MACROD2: variants seen among roughly 807,000 people sequenced by gnomAD.
MACROD2 encodes the protein ADP-ribose glycohydrolase MACROD2.
MACROD2 carries 36 observed loss-of-function variants against 70.4 expected under a neutral mutation model. The ratio of observed to expected loss-of-function variants is 0.51; its 90% CI spans 0.39 to 0.68. The LOEUF is 0.68. Ranked by LOEUF, MACROD2 falls within the 30% of genes least tolerant of loss-of-function variation. The pLI, the probability that MACROD2 is intolerant of heterozygous loss-of-function variation, is 0.00. For synonymous variants in MACROD2, 172 were observed against 178.8 expected (o/e 0.96, Z 0.30); for missense variants, 496 against 538.4 (o/e 0.92, Z 0.78).
intron 3 of MACROD2, among the ~76,000 whole-genome samples, chr20:14,430,971 G>A (rs1568608704): frequency 6.6e-6 from 1 of 152,002 alleles, no homozygotes. Context: ...GACCACACCA[G>A]CCCCAAACTG....
rs1464601783 is a variant in MACROD2, at chr20:15,454,537, G to T, written c.571+23102G>T. 3.3e-5 allele frequency among the ~76,000 whole-genome samples: 5 copies of T among 151,742 alleles called. No homozygotes were observed. The South Asian group carries it at 8.3e-4, about 25-fold the overall frequency. ...GGAAACTTGTTGAATCGATATGCAG[G>T]TCTTCTCTCTGTTTAGGTCTCATTT... is the stretch of plus-strand genomic sequence containing the variant. On this transcript the variant is annotated intron_variant, in intron 7 of 17. Coordinates refer to ENST00000684519, the MANE Select transcript of MACROD2 (RefSeq NM_001351661.2).
intron 15 of MACROD2, among the ~76,000 whole-genome samples, chr20:16,016,597 G>A (rs904605424): frequency 3.9e-5 from 6 of 152,072 alleles, no homozygotes; most frequent in Non-Finnish European, 7.4e-5. Flanking sequence ...GCACAGTGGC[G>A]CGATCTCGGC....
chr20:15,175,983 G>C (rs2076458275), intron 5 of MACROD2, among the ~76,000 whole-genome samples: 1 of 152,242 alleles, frequency 6.6e-6, no homozygotes, highest in Non-Finnish European at 1.5e-5. Context: ...AACAGGCTTA[G>C]AAGTGCCTGC....
intron 3 of MACROD2, among the ~76,000 whole-genome samples, chr20:14,148,853 G>A (rs1332992027): frequency 1.3e-5 from 2 of 152,184 alleles, no homozygotes; most frequent in African/African-American, 2.4e-5. Context: ...TGTGCTCAGT[G>A]TAGCTTCCTT....
At chr20:15,815,246 C>T (rs551229129) in intron 8 of MACROD2, among the ~76,000 whole-genome samples, 3 of 152,064 alleles carry the variant, frequency 2.0e-5, no homozygotes, top group East Asian at 1.9e-4. Flanking sequence ...GGTGAGAGCT[C>T]GCCTGAGTTA....
chr20:15,784,544 C>T (rs566861187), intron 8 of MACROD2, among the ~76,000 whole-genome samples: 21 of 152,110 alleles, frequency 1.4e-4, no homozygotes, highest in Non-Finnish European at 2.8e-4. Context: ...TATTATACAT[C>T]TTATTTTTAA....
intron 5 of MACROD2, among the ~76,000 whole-genome samples, chr20:14,732,435 C>G (rs941470919): frequency 2.6e-5 from 4 of 151,908 alleles, no homozygotes; most frequent in African/African-American, 9.7e-5. Flanking sequence ...ATAAGGGGTC[C>G]ACTGGGAAGG....
At chr20:16,043,964 G>T (rs1010865167) in intron 16 of MACROD2, among the ~76,000 whole-genome samples, 1 of 152,106 alleles carries the variant, frequency 6.6e-6, no homozygotes, top group Non-Finnish European at 1.5e-5. Context: ...CTCAGTTTCA[G>T]TTGAGGGAAG....
intron 4 of MACROD2, among the ~76,000 whole-genome samples, chr20:14,678,077 G>T (rs2070884206): frequency 6.6e-6 from 1 of 152,126 alleles, no homozygotes; most frequent in Non-Finnish European, 1.5e-5. Context: ...ATGGGAAGTG[G>T]GAGTGGAGCT....
intron 15 of MACROD2, among the ~76,000 whole-genome samples, chr20:16,015,940 A>G (rs949223153): frequency 6.6e-6 from 1 of 151,940 alleles, no homozygotes; most frequent in South Asian, 2.1e-4. Context: ...TGACTTTTTT[A>G]TCTTTGGTTT....
At chr20:15,583,646 G>GT (rs898873292) in intron 8 of MACROD2, among the ~76,000 whole-genome samples, 80 of 149,482 alleles carry the variant, frequency 5.4e-4, no homozygotes, top group East Asian at 4.7e-3. Context: ...TTTTGTTTTT[G>GT]TTTTTTTTTC....
At chr20:15,400,307 G>A (rs758572513) in intron 6 of MACROD2, among the ~76,000 whole-genome samples, 15 of 152,126 alleles carry the variant, frequency 9.9e-5, no homozygotes, top group Non-Finnish European at 1.9e-4. Context: ...CTGAACCCCA[G>A]GACACCCTCT....
chr20:14,079,764 G>C (rs6135054), intron 2 of MACROD2, among the ~76,000 whole-genome samples: 1 of 152,188 alleles, frequency 6.6e-6, no homozygotes, highest in Non-Finnish European at 1.5e-5. Flanking sequence ...ACAGTTTTAA[G>C]GCACAAAGAC....
intron 8 of MACROD2, among the ~76,000 whole-genome samples, chr20:15,726,560 A>T (rs574587126): frequency 1.3e-5 from 2 of 152,136 alleles, no homozygotes; most frequent in South Asian, 4.1e-4. Flanking sequence ...GTGTATAAGC[A>T]TTCTCTTTTT....
intron 8 of MACROD2, among the ~76,000 whole-genome samples, chr20:15,826,976 G>T (rs565295585): frequency 1.3e-4 from 20 of 152,290 alleles, no homozygotes; most frequent in African/African-American, 4.6e-4. Flanking sequence ...GTCATTATTA[G>T]TGAGAATATG....
intron 6 of MACROD2, among the ~76,000 whole-genome samples, chr20:15,423,602 TC>T (rs2046258252): frequency 6.6e-6 from 1 of 151,908 alleles, no homozygotes; most frequent in Non-Finnish European, 1.5e-5. Flanking sequence ...ACTGCTGTCT[TC>T]TTTCTGTGGC....
intron 15 of MACROD2, among the ~76,000 whole-genome samples, chr20:16,021,143 C>A (rs1206391929): frequency 2.6e-5 from 4 of 152,130 alleles, no homozygotes; most frequent in African/African-American, 7.2e-5. Flanking sequence ...AAAAATATGA[C>A]AACACTTCCC....
chr20:15,978,582 G>GTCTCTCTCTCTCTCTCTCTCTC (rs59205516), intron 13 of MACROD2, among the ~76,000 whole-genome samples: 2 of 146,324 alleles, frequency 1.4e-5, no homozygotes, highest in African/African-American at 5.1e-5. Flanking sequence ...CTGACCTTGG[G>GTCTCTCTCTCTCTCTCTCTCTC]TCTCTCTCTC....
chr20:16,020,233 A>G (rs921854330), intron 15 of MACROD2, among the ~76,000 whole-genome samples: 1 of 152,016 alleles, frequency 6.6e-6, no homozygotes, highest in Non-Finnish European at 1.5e-5. Flanking sequence ...GTCTTAAACT[A>G]TTACAAAAAC....
Sources: allele counts gnomAD v4.1 joint callset (sites outside exome capture counted in the v4.1 genomes callset), GRCh38; gene constraint gnomAD v4.1.1; transcripts MANE v1.5; gene names NCBI Gene and HGNC (gene_info 2026-07-23, HGNC 2026-07-21).